CWC27: variants seen among roughly 807,000 people sequenced by gnomAD.
CWC27 encodes spliceosome-associated protein CWC27 homolog.
CWC27 carries 47 observed loss-of-function variants against 63.6 expected under a neutral mutation model. That is an observed-to-expected ratio of 0.74 (90% CI 0.58 to 0.94). The LOEUF is 0.94. CWC27 is among the 40% of genes least tolerant of loss of function. The pLI, the probability that CWC27 is intolerant of heterozygous loss-of-function variation, is 0.00. For missense variants in CWC27, 495 were observed against 554.3 expected, an observed-to-expected ratio of 0.89 and a Z score of 1.07; for synonymous variants, 175 against 179.8, an observed-to-expected ratio of 0.97 and a Z score of 0.22.
intron 11 of CWC27, among the ~76,000 whole-genome samples, chr5:64,894,984 T>A (rs950713192): frequency 1.3e-5 from 2 of 152,148 alleles, no homozygotes; most frequent in Admixed American, 6.5e-5. Context: ...TTTCCATCAG[T>A]GGGCTACAAG....
At chr5:64,862,333 G>A (rs1258230490) in intron 10 of CWC27, among the ~76,000 whole-genome samples, 2 of 151,182 alleles carry the variant, frequency 1.3e-5, no homozygotes, top group African/African-American at 2.4e-5. Context: ...AATAATTTAG[G>A]CATATCAGGA....
chr5:64,775,661 G>GT (rs1302337550), intron 2 of CWC27, among the ~76,000 whole-genome samples: 3 of 151,896 alleles, frequency 2.0e-5, no homozygotes, highest in Non-Finnish European at 4.4e-5. Flanking sequence ...AATGTCTCTA[G>GT]TTTTTTTAGA....
chr5:64,779,472 A>G (rs1034180274), intron 2 of CWC27, among the ~76,000 whole-genome samples: 1 of 152,214 alleles, frequency 6.6e-6, no homozygotes, highest in Non-Finnish European at 1.5e-5. Context: ...AACTAATTTC[A>G]GTGATGTAAA....
At chr5:64,820,579 GAGAT>G (rs1426555094) in intron 10 of CWC27, among the ~76,000 whole-genome samples, 3 of 152,076 alleles carry the variant, frequency 2.0e-5, no homozygotes, top group African/African-American at 7.2e-5. Context: ...AAAAGATAGA[GAGAT>G]AGATCAGTGG....
At chr5:64,809,305 A>C (rs56383828) in intron 10 of CWC27, among the ~76,000 whole-genome samples, 1,801 of 152,324 alleles carry the variant, frequency 0.012, 29 homozygotes, top group African/African-American at 0.041. Context: ...AAAACATTAA[A>C]AATGTATTCT....
intron 11 of CWC27, among the ~76,000 whole-genome samples, chr5:64,956,060 A>G (rs1456868494): frequency 6.6e-6 from 1 of 152,192 alleles, no homozygotes; most frequent in Non-Finnish European, 1.5e-5. Context: ...TAAAGCTAGT[A>G]CTATGATAGA....
At chr5:64,925,937 A>G (rs916769047) in intron 11 of CWC27, among the ~76,000 whole-genome samples, 11 of 152,112 alleles carry the variant, frequency 7.2e-5, no homozygotes, top group African/African-American at 2.4e-4. Flanking sequence ...TCCTTCATGT[A>G]CCATCTCAAA....
intron 11 of CWC27, among the ~76,000 whole-genome samples, chr5:64,893,929 CTTT>C (rs10548975): frequency 0.01 from 1,508 of 143,644 alleles, 27 homozygotes; most frequent in Middle Eastern, 0.029. Context: ...CCAATCCCTC[CTTT>C]TTTTTTTTTT....
At chr5:64,772,975 A>C (rs1163887826) in intron 1 of CWC27, among the ~76,000 whole-genome samples, 1 of 151,730 alleles carries the variant, frequency 6.6e-6, no homozygotes. Context: ...TTGTGGTGTA[A>C]TTTTTCATAA....
intron 11 of CWC27, among the ~76,000 whole-genome samples, chr5:64,907,887 C>T (rs1457146490): frequency 6.6e-6 from 1 of 152,132 alleles, no homozygotes; most frequent in East Asian, 1.9e-4. Flanking sequence ...CCATCTCCTT[C>T]AGTTCTGCTC....
chr5:64,963,317 A>G (rs1444820011), intron 11 of CWC27, among the ~76,000 whole-genome samples: 1 of 152,182 alleles, frequency 6.6e-6, no homozygotes, highest in Non-Finnish European at 1.5e-5. Context: ...AAGGCAATAA[A>G]AAAGAGTAGG....
chr5:65,004,471 C>G (rs1580776726), intron 13 of CWC27, among the ~76,000 whole-genome samples: 1 of 137,052 alleles, frequency 7.3e-6, no homozygotes, highest in Admixed American at 7.8e-5. Context: ...TCTGCTAAAT[C>G]TAGTCTATTG....
In CWC27 at chr5:64,990,268, T is replaced by G. The variant is rs1244893136; in HGVS notation, c.1256+13030T>G. 1.2e-4 allele frequency among the ~76,000 whole-genome samples: 7 copies of G among 56,254 alleles called. 2 individuals are homozygous for G. Among genetic ancestry groups the G allele is most frequent in the Non-Finnish European group, 2.6e-4 (7 of 26,706 alleles). The allele number at this position is 56,254 out of a possible 152,430, so 36.9% of individuals were successfully genotyped here. ...TTTTTTTTGTTTTTTTTTTTTTTGT[T>G]TTTTTTTTTTTTTTGAGACGGAGTC... is the stretch of plus-strand genomic sequence containing the variant. On this transcript the variant is annotated intron_variant, in intron 13 of 13. Coordinates refer to ENST00000381070, the MANE Select transcript of CWC27 (RefSeq NM_005869.4).
intron 11 of CWC27, among the ~76,000 whole-genome samples, chr5:64,966,070 A>G (rs955454278): frequency 6.6e-6 from 1 of 152,168 alleles, no homozygotes; most frequent in Non-Finnish European, 1.5e-5. Flanking sequence ...TTTTCAATAT[A>G]GGTTAAAATG....
chr5:64,993,613 G>T (rs531462314), intron 13 of CWC27, among the ~76,000 whole-genome samples: 1 of 151,710 alleles, frequency 6.6e-6, no homozygotes, highest in Non-Finnish European at 1.5e-5. Context: ...CCTTTTCTAT[G>T]TTGGGAATAT....
At chr5:64,780,699 G>T (rs199499212) in intron 2 of CWC27, among the ~76,000 whole-genome samples, 1 of 148,154 alleles carries the variant, frequency 6.7e-6, no homozygotes, top group African/African-American at 2.5e-5. Context: ...GCACACGCGC[G>T]CACACACACA....
At chr5:64,809,197 A>G (rs778797981) in intron 10 of CWC27, among the ~76,000 whole-genome samples, 1 of 152,158 alleles carries the variant, frequency 6.6e-6, no homozygotes, top group Non-Finnish European at 1.5e-5. Context: ...ATAGGTTACT[A>G]TGTGATGTTT....
At chr5:64,968,416 C>T (rs1188928995) in intron 11 of CWC27, among the ~76,000 whole-genome samples, 1 of 151,966 alleles carries the variant, frequency 6.6e-6, no homozygotes, top group Non-Finnish European at 1.5e-5. Flanking sequence ...TATATGTTTG[C>T]AAACAAACTT....
intron 10 of CWC27, among the ~76,000 whole-genome samples, chr5:64,870,912 A>G (rs1746658085): frequency 6.6e-6 from 1 of 152,246 alleles, no homozygotes. Flanking sequence ...TGTTGTCATG[A>G]ACACCCATTA....
Sources: gnomAD v4.1 joint callset for allele counts (sites outside exome capture counted in the v4.1 genomes callset) on GRCh38, gnomAD v4.1.1 for gene constraint, MANE v1.5 for transcripts, NCBI Gene and HGNC (gene_info 2026-07-23, HGNC 2026-07-21) for gene names.